The following CTNNA2 variants were observed in gnomAD, a reference collection of about 807,000 sequenced individuals.
The protein encoded by CTNNA2 is catenin alpha 2.
In CTNNA2, 42 loss-of-function variants were observed where a neutral mutation model predicts 101.0. That is an observed-to-expected ratio of 0.42 (90% CI 0.32 to 0.54). The LOEUF is 0.54. CTNNA2 is among the 20% of genes least tolerant of loss of function. CTNNA2 has a pLI of 0.14. For synonymous variants in CTNNA2, 450 were observed against 456.4 expected (o/e 0.99, Z 0.18); for missense variants, 871 against 1,223.1 (o/e 0.71, Z 4.29).
At chr2:79,541,409 T>TACAC (rs1209817983) in intron 1 of CTNNA2, among the ~76,000 whole-genome samples, 1 of 81,840 alleles carries the variant, frequency 1.2e-5, no homozygotes, top group Non-Finnish European at 2.6e-5. Flanking sequence ...TATATACACA[T>TACAC]ACACACACGC....
chr2:80,262,832 A>G (rs1672712519), intron 7 of CTNNA2, among the ~76,000 whole-genome samples: 1 of 152,164 alleles, frequency 6.6e-6, no homozygotes, highest in Non-Finnish European at 1.5e-5. Context: ...CATCTCCAGA[A>G]GGTTCTTAAG....
intron 2 of CTNNA2, among the ~76,000 whole-genome samples, chr2:79,304,916 C>T (rs575446095): frequency 3.3e-5 from 5 of 152,208 alleles, no homozygotes; most frequent in South Asian, 2.1e-4. Context: ...TGATCTTATC[C>T]GCCATCCTTA....
chr2:80,083,612 A>G (rs1213708790), intron 7 of CTNNA2, among the ~76,000 whole-genome samples: 3 of 152,166 alleles, frequency 2.0e-5, no homozygotes, highest in Admixed American at 6.5e-5. Context: ...TTCATTTTCA[A>G]TGAGGATGTT....
intron 18 of CTNNA2, among the ~76,000 whole-genome samples, chr2:80,646,044 A>AGT (rs1362263374): frequency 6.6e-6 from 1 of 152,180 alleles, no homozygotes; most frequent in Non-Finnish European, 1.5e-5. Flanking sequence ...CCAAAGGAAC[A>AGT]GTATCACAGT....
At chr2:79,256,864 T>A (rs538417441) in intron 2 of CTNNA2, among the ~76,000 whole-genome samples, 10 of 152,202 alleles carry the variant, frequency 6.6e-5, no homozygotes, top group Non-Finnish European at 1.5e-4. Context: ...TTAAATGAGA[T>A]AAAATGTTAT....
At chr2:79,994,063 A>G (rs1692366960) in intron 7 of CTNNA2, among the ~76,000 whole-genome samples, 2 of 152,000 alleles carry the variant, frequency 1.3e-5, no homozygotes, top group African/African-American at 2.4e-5. Flanking sequence ...GTGCACCACC[A>G]CACCTAGCTA....
At chr2:79,327,392 T>G (rs1676770578) in intron 3 of CTNNA2, among the ~76,000 whole-genome samples, 1 of 152,186 alleles carries the variant, frequency 6.6e-6, no homozygotes, top group Admixed American at 6.5e-5. Flanking sequence ...TTCTTCAGAA[T>G]TGATGGCAGA....
At chr2:79,854,893 G>A (rs908166877) in intron 3 of CTNNA2, among the ~76,000 whole-genome samples, 6 of 152,108 alleles carry the variant, frequency 3.9e-5, no homozygotes, top group African/African-American at 1.2e-4. Context: ...TATAGAAAAA[G>A]CACTTTTCTC....
chr2:80,454,180 A>G (rs1683763736), intron 9 of CTNNA2, among the ~76,000 whole-genome samples: 2 of 152,226 alleles, frequency 1.3e-5, no homozygotes, highest in African/African-American at 4.8e-5. Flanking sequence ...TTAAAGTATT[A>G]CAATTGATTG....
At chr2:80,057,677 T>A (rs1697317244) in intron 7 of CTNNA2, among the ~76,000 whole-genome samples, 1 of 152,166 alleles carries the variant, frequency 6.6e-6, no homozygotes, top group South Asian at 2.1e-4. Context: ...CTTTCTTTTG[T>A]CCCTTGATCA....
intron 7 of CTNNA2, among the ~76,000 whole-genome samples, chr2:80,233,738 A>G (rs1003497760): frequency 1.2e-4 from 19 of 152,196 alleles, no homozygotes; most frequent in Non-Finnish European, 2.6e-4. Flanking sequence ...ACAGCAAAAT[A>G]TCATCCATAC....
At chr2:80,643,100 A>G (rs1673670564) in intron 18 of CTNNA2, among the ~76,000 whole-genome samples, 1 of 152,186 alleles carries the variant, frequency 6.6e-6, no homozygotes, top group Admixed American at 6.5e-5. Flanking sequence ...TTTTAAGAGA[A>G]TCATAATAAT....
At chr2:79,405,826 A>T (rs1678335138) in intron 4 of CTNNA2, among the ~76,000 whole-genome samples, 1 of 152,100 alleles carries the variant, frequency 6.6e-6, no homozygotes, top group Non-Finnish European at 1.5e-5. Flanking sequence ...GTGTGATAAT[A>T]AATGAGTGTT....
chr2:79,826,746 CTTCT>C (rs1678471112), intron 3 of CTNNA2, among the ~76,000 whole-genome samples: 1 of 152,196 alleles, frequency 6.6e-6, no homozygotes, highest in South Asian at 2.1e-4. Context: ...TGTGTGTAGG[CTTCT>C]TTCTGAGTTC....
At chr2:79,736,722 T>A (rs188774385) in intron 2 of CTNNA2, among the ~76,000 whole-genome samples, 270 of 152,332 alleles carry the variant, frequency 1.8e-3, no homozygotes, top group African/African-American at 6.3e-3. Context: ...TCTCTTGTGT[T>A]AGCTGAGTAA....
chr2:79,334,126 A>G (rs1315138446), intron 3 of CTNNA2, among the ~76,000 whole-genome samples: 1 of 152,162 alleles, frequency 6.6e-6, no homozygotes, highest in Non-Finnish European at 1.5e-5. Context: ...GAAAATATAC[A>G]TTAAATTATT....
At chr2:79,697,351 T>A (rs778684843) in intron 2 of CTNNA2, among the ~76,000 whole-genome samples, 1 of 152,030 alleles carries the variant, frequency 6.6e-6, no homozygotes, top group Admixed American at 6.6e-5. Context: ...CATCTCCATT[T>A]CTTGTGTATT....
chr2:80,616,512 C>G (rs185355077), intron 17 of CTNNA2: 42 of 151,792 alleles, frequency 2.8e-4, no homozygotes, highest in African/African-American at 9.4e-4. Flanking sequence ...TGCTAAGAAG[C>G]TAAACAACTT....
intron 7 of CTNNA2, among the ~76,000 whole-genome samples, chr2:80,154,665 G>T (rs1214904643): frequency 6.6e-6 from 1 of 152,140 alleles, no homozygotes; most frequent in Non-Finnish European, 1.5e-5. Flanking sequence ...CCCCATCCCA[G>T]TGGCTTAATA....
Sources: allele counts gnomAD v4.1 joint callset (sites outside exome capture counted in the v4.1 genomes callset), GRCh38; gene constraint gnomAD v4.1.1; transcripts MANE v1.5; gene names NCBI Gene and HGNC (gene_info 2026-07-23, HGNC 2026-07-21).